The following KCNE3 variants were observed in gnomAD, a reference collection of about 807,000 sequenced individuals.
KCNE3 encodes the protein potassium voltage-gated channel subfamily E member 3.
In KCNE3, 2 loss-of-function variants were observed where a neutral mutation model predicts 4.3. The ratio of observed to expected loss-of-function variants is 0.47; its 90% confidence interval spans 0.19 to 1.48. The LOEUF is 1.48. KCNE3 is among the 40% of genes most tolerant of loss of function. KCNE3 has a pLI of 0.25. For missense variants in KCNE3, 128 were observed against 136.8 expected, an observed-to-expected ratio of 0.94 and a Z score of 0.32; for synonymous variants, 47 against 52.0, an observed-to-expected ratio of 0.90 and a Z score of 0.41.
At chr11:74,463,778 C>T (rs1169764179) in intron 1 of KCNE3, among the ~76,000 whole-genome samples, 1 of 152,166 alleles carries the variant, frequency 6.6e-6, no homozygotes, top group East Asian at 1.9e-4. Context: ...AATGGCAGCA[C>T]TCAGACAAGA....
intron 1 of KCNE3, among the ~76,000 whole-genome samples, chr11:74,464,758 A>G (rs1045132595): frequency 2.0e-5 from 3 of 152,086 alleles, no homozygotes; most frequent in Non-Finnish European, 2.9e-5. Flanking sequence ...TTACCACTGA[A>G]GCTCCTTGAA....
chr11:74,456,965 G>A lies in KCNE3; in HGVS notation c.*287C>T. On this transcript the variant is annotated 3_prime_UTR_variant, in exon 3 of 3. Coordinates refer to ENST00000310128, the MANE Select transcript of KCNE3 (RefSeq NM_005472.5). ...CAATCCCCAGGCCCCTAATACTCCAGCCACTGAACCAGTTATTGGTCATTA... is the reference window on the plus strand; with the variant it reads ...CAATCCCCAGGCCCCTAATACTCCAACCACTGAACCAGTTATTGGTCATTA... 1 of 462,014 alleles carries A rather than the reference G, an allele frequency of 2.2e-6. No individual in the cohort carries two copies. Among genetic ancestry groups the A allele is most frequent in the Admixed American group, 3.5e-5 (1 of 28,294 alleles). The allele number at this position is 462,014 out of a possible 1,614,324, so 28.6% of individuals were successfully genotyped here. A position where few individuals can be genotyped will look rare whatever the true frequency, so the allele number is the denominator to read the frequency against.
rs1863781471 is a variant in KCNE3 at position 74,455,174 on chromosome 11, A to G, written c.*2078T>C. 6.6e-6 allele frequency: 1 copy of G among 152,250 alleles called. No individual in the cohort carries two copies. The highest frequency in any genetic ancestry group is 6.5e-5 in the Admixed American group (1 of 15,288). 9.4% of individuals were successfully genotyped at this position (152,250 alleles called of 1,614,324 possible). A position where few individuals can be genotyped will look rare whatever the true frequency, so the allele number is the denominator to read the frequency against. On this transcript the variant is annotated 3_prime_UTR_variant, in exon 3 of 3. Transcript: ENST00000310128. ...CGGTCAAGTCAGTCAAATATTACATAAATTTATCATGCGGAAAGGGAAAAT... is the reference window on the plus strand; with the variant it reads ...CGGTCAAGTCAGTCAAATATTACATGAATTTATCATGCGGAAAGGGAAAAT...
intron 2 of KCNE3, among the ~76,000 whole-genome samples, chr11:74,460,655 G>A (rs1863932026): frequency 6.6e-6 from 1 of 152,222 alleles, no homozygotes; most frequent in African/African-American, 2.4e-5. Context: ...AGGTTGGAGT[G>A]TAAGATGTGT....
Position 74,456,817 on chromosome 11 carries a change from A to C in KCNE3, c.*435T>G, listed in dbSNP as rs1421288227. On this transcript the variant is annotated 3_prime_UTR_variant, in exon 3 of 3. Coordinates refer to ENST00000310128, the MANE Select transcript of KCNE3 (RefSeq NM_005472.5). ...AGCGGGGGCAGGGTGGTGGTGGTAA[A>C]TCATATCTGTGATATGGGATAGTCA... 1 of 207,258 alleles carries C rather than the reference A, an allele frequency of 4.8e-6. No individual in the cohort carries two copies. Among genetic ancestry groups the C allele is most frequent in the African/African-American group, 2.4e-5 (1 of 42,510 alleles). 12.8% of individuals were successfully genotyped at this position (207,258 alleles called of 1,614,324 possible).
At chr11:74,463,720 T>G (rs41313591) in intron 1 of KCNE3, among the ~76,000 whole-genome samples, 12 of 152,120 alleles carry the variant, frequency 7.9e-5, no homozygotes, top group Admixed American at 7.9e-4. Flanking sequence ...ATGAGGAAAC[T>G]GAGGCTCAGA....
chr11:74,464,138 C>T (rs970503294), intron 1 of KCNE3: 4 of 152,318 alleles, frequency 2.6e-5, no homozygotes, highest in African/African-American at 9.6e-5. Context: ...ACAAACTGCA[C>T]TTGCCTTACA....
Position 74,455,773 on chromosome 11 carries a change from G to C in KCNE3, c.*1479C>G, listed in dbSNP as rs970037461. 1 of 151,632 alleles carries C rather than the reference G, an allele frequency of 6.6e-6. No individual in the cohort carries two copies. The highest frequency in any genetic ancestry group is 1.5e-5 in the Non-Finnish European group (1 of 67,958). 9.4% of individuals were successfully genotyped at this position (151,632 alleles called of 1,614,324 possible). ...GACAGAGCCTTGCTCTGTCACCCAG[G>C]CTGGAGTGCAGTGGCGTGATCTTGG... is the stretch of plus-strand genomic sequence containing the variant. On this transcript the variant is annotated 3_prime_UTR_variant, in exon 3 of 3. Transcript: ENST00000310128.
chr11:74,458,859 C>T (rs594054), intron 2 of KCNE3, among the ~76,000 whole-genome samples: 8,187 of 151,870 alleles, frequency 0.054, 346 homozygotes, highest in East Asian at 0.2. Flanking sequence ...AAAGACTCCA[C>T]GGACACCTTT....
chr11:74,457,193 G>C lies in KCNE3; in HGVS notation c.*59C>G. On this transcript the variant is annotated 3_prime_UTR_variant, in exon 3 of 3. Transcript: ENST00000310128. ...CTGATGCAGTCCACAGCAGAGTTCT[G>C]GAGGCCCCAGACGCAATCCCCAGGT... 6.6e-7 allele frequency: 1 copy of C among 1,508,380 alleles called. No individual in the cohort carries two copies. Among genetic ancestry groups the C allele is most frequent in the Non-Finnish European group, 9.1e-7 (1 of 1,096,810 alleles). The allele number at this position is 1,508,380 out of a possible 1,614,324, so 93.4% of individuals were successfully genotyped here. A position where few individuals can be genotyped will look rare whatever the true frequency, so the allele number is the denominator to read the frequency against.
chr11:74,460,717 G>A (rs138264919), intron 2 of KCNE3, among the ~76,000 whole-genome samples: 1 of 152,170 alleles, frequency 6.6e-6, no homozygotes, highest in African/African-American at 2.4e-5. Context: ...AGATCATGGG[G>A]GGCCTTGAGT....
intron 2 of KCNE3, among the ~76,000 whole-genome samples, chr11:74,461,055 C>CA (rs1431235101): frequency 1.3e-5 from 2 of 152,092 alleles, no homozygotes; most frequent in African/African-American, 4.8e-5. Flanking sequence ...AGACAACAAA[C>CA]AAACAGTGTA....
intron 2 of KCNE3, among the ~76,000 whole-genome samples, chr11:74,458,825 C>T (rs1164850811): frequency 6.7e-6 from 1 of 150,012 alleles, no homozygotes; most frequent in Non-Finnish European, 1.5e-5. Flanking sequence ...CAGAGCGTGA[C>T]TTTGTCTCAA....
chr11:74,461,009 T>C (rs1342237490), intron 2 of KCNE3, among the ~76,000 whole-genome samples: 1 of 151,846 alleles, frequency 6.6e-6, no homozygotes, highest in Non-Finnish European at 1.5e-5. Flanking sequence ...TAAGTGAGGG[T>C]TGAAGGAGGA....
intron 2 of KCNE3, among the ~76,000 whole-genome samples, chr11:74,460,998 CTAAG>C (rs1263329852): frequency 6.6e-6 from 1 of 152,144 alleles, no homozygotes. Flanking sequence ...GAGGAAATGG[CTAAG>C]TGAGGGTTGA....
At chr11:74,459,422 A>T (rs371546915) in intron 2 of KCNE3, among the ~76,000 whole-genome samples, 14 of 151,820 alleles carry the variant, frequency 9.2e-5, no homozygotes, top group East Asian at 3.9e-4. Flanking sequence ...CCATCACGCC[A>T]GGCTAATTTT....
Position 74,457,130 on chromosome 11 carries a change from G to A in KCNE3, c.*122C>T, listed in dbSNP as rs867623173. On this transcript the variant is annotated 3_prime_UTR_variant, in exon 3 of 3. Coordinates refer to ENST00000310128, the MANE Select transcript of KCNE3 (RefSeq NM_005472.5). ...ACCCCAGTGACGACCTCCCTTAACC[G>A]TGTTTCTTGTTGATCTTACAGATAG... 50 of 985,634 alleles carry A rather than the reference G, an allele frequency of 5.1e-5. No homozygotes were observed. Among genetic ancestry groups the A allele is most frequent in the South Asian group, 2.8e-4 (20 of 72,164 alleles). 61.1% of individuals were successfully genotyped at this position (985,634 alleles called of 1,614,324 possible).
rs1216677531 is a variant in KCNE3 at position 74,455,712 on chromosome 11, T to C, written c.*1540A>G. 2.0e-5 allele frequency: 3 copies of C among 148,188 alleles called. No individual in the cohort carries two copies. Among genetic ancestry groups the C allele is most frequent in the South Asian group, 4.3e-4 (2 of 4,690 alleles). 9.2% of individuals were successfully genotyped at this position (148,188 alleles called of 1,614,324 possible). On this transcript the variant is annotated 3_prime_UTR_variant, in exon 3 of 3. Transcript: ENST00000310128. The stretch of plus-strand genomic sequence containing the variant: ...ATATAATAATAATTTAGGTGCGATA[T>C]CAGTCTTTTTTGTTTTTGTTTTTGT...
At position 74,457,476 on chromosome 11, in the gene KCNE3, GC is replaced by G; in HGVS notation, c.87del (p.Leu29PhefsTer42). The G allele has an allele frequency of 1.9e-6, 3 of 1,614,232 alleles. No individual in the cohort carries two copies. The African/African-American group carries it at 4.0e-5, about 22-fold the overall frequency. ...KALNATLHSN[L>X]LCRPGPGLGP... ...CCCAGCCCTGGCCCTGGCCGGCAGA[GC>G]AAATTGCTGTGAAGAGTGGCATTTA... On this transcript the variant is annotated frameshift_variant, in exon 3 of 3. Coordinates refer to ENST00000310128, the MANE Select transcript of KCNE3 (RefSeq NM_005472.5). LOFTEE classifies it high-confidence loss of function.
Sources: allele counts gnomAD v4.1 joint callset (sites outside exome capture counted in the v4.1 genomes callset), GRCh38; gene constraint gnomAD v4.1.1; transcripts MANE v1.5; gene names NCBI Gene and HGNC (gene_info 2026-07-23, HGNC 2026-07-21).